Variants in MYO1E observed in about 807,000 individuals in gnomAD.
MYO1E encodes myosin IE, also known as unconventional myosin-Ie.
A neutral mutation model predicts 151.1 loss-of-function variants in MYO1E; 68 were observed. The observed-to-expected ratio is 0.45, with a 90% CI of 0.37 to 0.55. MYO1E has a LOEUF of 0.55. Among genes scored for constraint, MYO1E ranks in the 20% least tolerant of loss-of-function variants. MYO1E has a pLI of 0.00. For synonymous variants in MYO1E, 601 were observed against 501.7 expected, an observed-to-expected ratio of 1.20 and a Z score of -2.64; for missense variants, 1,363 against 1,389.3, an observed-to-expected ratio of 0.98 and a Z score of 0.30.
At chr15:59,338,621 A>G (rs1437880455) in intron 1 of MYO1E, among the ~76,000 whole-genome samples, 1 of 152,126 alleles carries the variant, frequency 6.6e-6, no homozygotes, top group Non-Finnish European at 1.5e-5. Flanking sequence ...CCACCCTGCT[A>G]AGCTGGGAAA....
chr15:59,326,980 A>C (rs1316447412), intron 1 of MYO1E, among the ~76,000 whole-genome samples: 1 of 152,230 alleles, frequency 6.6e-6, no homozygotes, highest in East Asian at 1.9e-4. Flanking sequence ...AATGTAGGAC[A>C]ATCCTGAGCA....
At chr15:59,262,846 C>A (rs533903020) in intron 2 of MYO1E, among the ~76,000 whole-genome samples, 2 of 152,238 alleles carry the variant, frequency 1.3e-5, no homozygotes, top group East Asian at 3.9e-4. Context: ...GACTTATGAT[C>A]ACATGAAAAA....
chr15:59,158,124 G>T (rs1286796380), intron 25 of MYO1E, among the ~76,000 whole-genome samples, 163 bp downstream of exon 25: 1 of 152,204 alleles, frequency 6.6e-6, no homozygotes, highest in Non-Finnish European at 1.5e-5. Context: ...TCTGAATTTT[G>T]AGGTCTCAAG....
chr15:59,208,759 T>C lies in MYO1E; in HGVS notation c.1452A>G (p.Lys484=). 2 of 1,614,156 alleles carry C rather than the reference T, an allele frequency of 1.2e-6. No individual in the cohort carries two copies. The highest frequency in any genetic ancestry group is 1.7e-6 in the Non-Finnish European group (2 of 1,180,026). ...CATGACTCCCAATCTGCATCTGAAG[T>C]TTCTGGAGCAGCGTCTGATCTGCCC... ...GEGADQTLLQ[K]LQMQIGSHEH... is the part of the protein sequence containing the mutation. Residue 484 remains lysine (K), a synonymous_variant, in exon 14 of 28, where the codon AAA becomes AAG. Transcript: ENST00000288235.
intron 17 of MYO1E, among the ~76,000 whole-genome samples, chr15:59,191,332 C>CAGAGAGAGAG (rs34694267): frequency 0.024 from 2,563 of 105,624 alleles, 86 homozygotes; most frequent in African/African-American, 0.065. Context: ...CAGACAGAGA[C>CAGAGAGAGAG]AGAGAGAGAG....
intron 1 of MYO1E, among the ~76,000 whole-genome samples, chr15:59,321,463 A>T (rs2080625560): frequency 6.6e-6 from 1 of 152,262 alleles, no homozygotes; most frequent in Admixed American, 6.5e-5. Flanking sequence ...TGGATAAAGG[A>T]AATGTGGTAC....
At chr15:59,176,100 C>T (rs1408643704) in intron 19 of MYO1E, among the ~76,000 whole-genome samples, 4 of 152,126 alleles carry the variant, frequency 2.6e-5, no homozygotes, top group African/African-American at 7.2e-5. Context: ...GCTCTGTCAC[C>T]CAGGCTGGAG....
intron 26 of MYO1E, among the ~76,000 whole-genome samples, chr15:59,146,300 A>C (rs1245491989): frequency 6.6e-6 from 1 of 152,106 alleles, no homozygotes; most frequent in Non-Finnish European, 1.5e-5. Flanking sequence ...TTTCATTGAG[A>C]TAATGGTTGT....
rs2080815676 is a variant in MYO1E, at chr15:59,350,077, T to C, written c.3+22421A>G. On this transcript the variant is annotated intron_variant, in intron 1 of 27. Transcript: ENST00000288235. The surrounding 1 kb of genome is among the most constrained non-coding windows in gnomAD (Gnocchi z 5.0). ...GGTGGTATCTAAGGCATTTTATAAT[T>C]TTCTTATTAATTGTCAATACATCAC... Among the ~76,000 whole-genome samples the C allele has an allele frequency of 6.6e-6, 1 of 152,202 alleles. No homozygotes were observed. Among genetic ancestry groups the C allele is most frequent in the South Asian group, 2.1e-4 (1 of 4,832 alleles).
intron 2 of MYO1E, among the ~76,000 whole-genome samples, chr15:59,265,663 A>T (rs973814600): frequency 6.6e-6 from 1 of 152,092 alleles, no homozygotes; most frequent in Non-Finnish European, 1.5e-5. Flanking sequence ...TAAAAAATAA[A>T]GTTTGGTTTA....
intron 20 of MYO1E, 22 bp downstream of exon 20, chr15:59,174,104 T>C (rs575647401): frequency 1.3e-6 from 2 of 1,592,330 alleles, no homozygotes; most frequent in Non-Finnish European, 1.7e-6. Context: ...TTAAAATCAA[T>C]GAAACAAAAT....
At chr15:59,227,243 G>A (rs889268038) in intron 7 of MYO1E, among the ~76,000 whole-genome samples, 1 of 152,208 alleles carries the variant, frequency 6.6e-6, no homozygotes, top group Non-Finnish European at 1.5e-5. Flanking sequence ...CTTTCTTGAT[G>A]ATTTAGCTTT....
chr15:59,164,513 C>G (rs182730427), intron 22 of MYO1E, among the ~76,000 whole-genome samples: 3 of 152,208 alleles, frequency 2.0e-5, no homozygotes, highest in Admixed American at 2.0e-4. Context: ...GGTGTCACTG[C>G]ACCAGTGGGA....
At chr15:59,317,565 A>G (rs1427197068) in intron 1 of MYO1E, among the ~76,000 whole-genome samples, 3 of 145,300 alleles carry the variant, frequency 2.1e-5, no homozygotes, top group Admixed American at 2.0e-4. Flanking sequence ...ATGACTATAC[A>G]AACTGTTATC....
intron 1 of MYO1E, among the ~76,000 whole-genome samples, chr15:59,336,324 C>T (rs1294504588): frequency 6.6e-6 from 1 of 151,686 alleles, no homozygotes; most frequent in African/African-American, 2.4e-5. Context: ...GAGCCGAGAT[C>T]ATGCCACTGC....
chr15:59,250,017 G>A (rs2080154716), intron 4 of MYO1E, among the ~76,000 whole-genome samples: 2 of 152,010 alleles, frequency 1.3e-5, no homozygotes, highest in African/African-American at 2.4e-5. Flanking sequence ...CCCAGGGTCA[G>A]GTGAGCATGA....
intron 2 of MYO1E, among the ~76,000 whole-genome samples, chr15:59,267,657 G>C (rs2080264371): frequency 6.6e-6 from 1 of 152,224 alleles, no homozygotes; most frequent in South Asian, 2.1e-4. Context: ...TGTGGTCTTT[G>C]AGTAAAAACA....
chr15:59,202,317 A>G lies in MYO1E; in HGVS notation c.1698+9T>C. On this transcript the variant is annotated intron_variant, in intron 16 of 27. Transcript: ENST00000288235. The stretch of plus-strand genomic sequence containing the variant: ...TAAGAATCTATAAACTTCCTAAAAT[A>G]GAACTAACCTTTATTTTGCTTCCGG... 6.2e-7 allele frequency: 1 copy of G among 1,611,690 alleles called. No individual in the cohort carries two copies. The highest frequency in any genetic ancestry group is 1.3e-5 in the African/African-American group (1 of 74,900).
intron 17 of MYO1E, among the ~76,000 whole-genome samples, chr15:59,189,652 G>A (rs941377984): frequency 6.6e-6 from 1 of 152,146 alleles, no homozygotes; most frequent in African/African-American, 2.4e-5. Flanking sequence ...TCGGCTCTCT[G>A]CAAACTCCGC....
Sources: gnomAD v4.1 joint callset for allele counts (sites outside exome capture counted in the v4.1 genomes callset) on GRCh38, gnomAD v4.1.1 for gene constraint, Gnocchi (gnomAD v3.1) non-coding constraint, MANE v1.5 for transcripts, NCBI Gene and HGNC (gene_info 2026-07-23, HGNC 2026-07-21) for gene names.